CDK14: variants seen among roughly 807,000 people sequenced by gnomAD.
CDK14 encodes cyclin-dependent kinase 14.
In CDK14, 34 loss-of-function variants were observed where a neutral mutation model predicts 60.7. The observed-to-expected ratio is 0.56, with a 90% CI of 0.43 to 0.75. CDK14 has a LOEUF of 0.75. Ranked by LOEUF, CDK14 falls within the 30% of genes least tolerant of loss-of-function variation. The probability of loss-of-function intolerance (pLI) is 0.00; values close to 1 mark genes in which losing one functional copy is unlikely to be tolerated. For missense variants in CDK14, 482 were observed against 564.1 expected, an observed-to-expected ratio of 0.85 and a Z score of 1.47; for synonymous variants, 197 against 203.7, an observed-to-expected ratio of 0.97 and a Z score of 0.28.
chr7:90,976,420 A>G (rs1178731470), intron 9 of CDK14, among the ~76,000 whole-genome samples: 1 of 152,136 alleles, frequency 6.6e-6, no homozygotes, highest in African/African-American at 2.4e-5. Context: ...CAGTAGTGCA[A>G]TCATAGCTCA....
At chr7:90,901,923 G>T (rs994467803) in intron 7 of CDK14, among the ~76,000 whole-genome samples, 3 of 151,874 alleles carry the variant, frequency 2.0e-5, no homozygotes, top group Non-Finnish European at 4.4e-5. Flanking sequence ...AAAGTTGCAG[G>T]ATACAAAATC....
intron 5 of CDK14, among the ~76,000 whole-genome samples, chr7:90,802,748 G>A (rs1424320631): frequency 2.0e-5 from 3 of 151,996 alleles, no homozygotes; most frequent in Admixed American, 2.0e-4. Flanking sequence ...AAGCAATCAA[G>A]GAATAATGAA....
At chr7:90,778,961 A>G (rs1316216591) in intron 4 of CDK14, among the ~76,000 whole-genome samples, 3 of 145,242 alleles carry the variant, frequency 2.1e-5, no homozygotes, top group Non-Finnish European at 4.5e-5. Flanking sequence ...CTCTTTTTTA[A>G]GACATGGGCA....
At chr7:91,175,386 A>G (rs1176818605) in intron 14 of CDK14, among the ~76,000 whole-genome samples, 1 of 152,144 alleles carries the variant, frequency 6.6e-6, no homozygotes, top group Non-Finnish European at 1.5e-5. Flanking sequence ...GAGACTAGGA[A>G]GAAACTGCAT....
At chr7:91,054,854 G>A (rs1011810926) in intron 11 of CDK14, among the ~76,000 whole-genome samples, 4 of 152,162 alleles carry the variant, frequency 2.6e-5, no homozygotes, top group African/African-American at 4.8e-5. Flanking sequence ...ATTCAGGGGG[G>A]CAGGTCCTTG....
intron 12 of CDK14, among the ~76,000 whole-genome samples, chr7:91,098,058 A>G (rs1799047558): frequency 6.6e-6 from 1 of 152,182 alleles, no homozygotes; most frequent in African/African-American, 2.4e-5. Flanking sequence ...TTTCTTAGAG[A>G]ACAGGGCCTG....
At chr7:90,815,974 C>T (rs1322268684) in intron 5 of CDK14, among the ~76,000 whole-genome samples, 1 of 152,040 alleles carries the variant, frequency 6.6e-6, no homozygotes. Flanking sequence ...GCATGCGGGG[C>T]TTAAGACCTA....
chr7:91,137,763 G>A (rs1430992453), intron 14 of CDK14, among the ~76,000 whole-genome samples: 2 of 151,818 alleles, frequency 1.3e-5, no homozygotes, highest in Non-Finnish European at 2.9e-5. Flanking sequence ...TATGAAGTAT[G>A]GAACTGTTTC....
intron 5 of CDK14, among the ~76,000 whole-genome samples, chr7:90,812,220 A>G (rs139055957): frequency 0.073 from 11,163 of 152,308 alleles, 511 homozygotes; most frequent in South Asian, 0.11. Flanking sequence ...ACCAACCCAA[A>G]TATCCAACAA....
chr7:91,059,514 T>C (rs919685360), intron 11 of CDK14, among the ~76,000 whole-genome samples: 1 of 152,096 alleles, frequency 6.6e-6, no homozygotes, highest in African/African-American at 2.4e-5. Flanking sequence ...CAATTTTAGA[T>C]CTTTCCTACT....
Position 90,913,531 on chromosome 7 carries a change from A to G in CDK14, c.703-4070A>G, listed in dbSNP as rs144781651. ...AGAAGAATAGTTACCCAGTAACCCA[A>G]TGTGAATAGATGTTTATATATTCTT... On this transcript the variant is annotated intron_variant, in intron 7 of 14. Transcript: ENST00000380050. Among the ~76,000 whole-genome samples the G allele has an allele frequency of 3.4e-3, 514 of 152,372 alleles. 4 individuals are homozygous for G. Among genetic ancestry groups the G allele is most frequent in the African/African-American group, 0.012 (482 of 41,586 alleles).
chr7:90,883,653 C>T (rs1247778988), intron 6 of CDK14, among the ~76,000 whole-genome samples: 1 of 152,132 alleles, frequency 6.6e-6, no homozygotes, highest in African/African-American at 2.4e-5. Flanking sequence ...AACTTCAGGC[C>T]AATATCCCTG....
At chr7:90,807,865 G>A (rs1429635824) in intron 5 of CDK14, among the ~76,000 whole-genome samples, 1 of 152,174 alleles carries the variant, frequency 6.6e-6, no homozygotes, top group Admixed American at 6.5e-5. Flanking sequence ...AAGGGTATCA[G>A]TGATGGAAGA....
intron 5 of CDK14, among the ~76,000 whole-genome samples, chr7:90,802,594 C>G (rs1223690968): frequency 6.6e-6 from 1 of 152,124 alleles, no homozygotes; most frequent in Non-Finnish European, 1.5e-5. Flanking sequence ...GGACTTCATT[C>G]TCATCTAAGT....
chr7:90,816,420 T>C (rs987357558), intron 5 of CDK14, among the ~76,000 whole-genome samples: 4 of 152,242 alleles, frequency 2.6e-5, no homozygotes, highest in African/African-American at 4.8e-5. Flanking sequence ...CTGGGTATTG[T>C]TCTGTGCGGT....
chr7:90,696,822 G>C (rs1801668171), intron 2 of CDK14, among the ~76,000 whole-genome samples: 1 of 152,178 alleles, frequency 6.6e-6, no homozygotes, highest in Non-Finnish European at 1.5e-5. Context: ...GTTGGGAAGG[G>C]AAGAGTGTCC....
chr7:90,999,657 C>T (rs1043687904), intron 10 of CDK14, among the ~76,000 whole-genome samples: 1 of 152,124 alleles, frequency 6.6e-6, no homozygotes, highest in Admixed American at 6.5e-5. Flanking sequence ...TTGCTGCTGA[C>T]CTTCTCCTTC....
intron 10 of CDK14, among the ~76,000 whole-genome samples, chr7:91,031,738 G>C (rs1796765586): frequency 6.6e-6 from 1 of 152,186 alleles, no homozygotes; most frequent in Non-Finnish European, 1.5e-5. Context: ...TTTCTCCTTA[G>C]TTAAGGATAA....
At chr7:91,004,027 G>A (rs1202128447) in intron 10 of CDK14, among the ~76,000 whole-genome samples, 2 of 152,128 alleles carry the variant, frequency 1.3e-5, no homozygotes, top group Non-Finnish European at 2.9e-5. Context: ...AGAGGGAAAT[G>A]TATAGCATTA....
Sources: gnomAD v4.1 joint callset for allele counts (sites outside exome capture counted in the v4.1 genomes callset) on GRCh38, gnomAD v4.1.1 for gene constraint, MANE v1.5 for transcripts, NCBI Gene and HGNC (gene_info 2026-07-23, HGNC 2026-07-21) for gene names.